The following ANTXR2 variants were observed in gnomAD, a reference collection of about 807,000 sequenced individuals.
ANTXR2 encodes the protein ANTXR cell adhesion molecule 2, also known as anthrax toxin receptor 2.
ANTXR2 carries 44 observed loss-of-function variants against 73.7 expected under a neutral mutation model. The observed-to-expected ratio is 0.60, with a 90% CI of 0.47 to 0.77. The LOEUF (loss-of-function observed/expected upper bound fraction) is 0.77, where lower values mean the gene tolerates loss of function less well. Ranked by LOEUF, ANTXR2 falls within the 30% of genes least tolerant of loss-of-function variation. The pLI, the probability that ANTXR2 is intolerant of heterozygous loss-of-function variation, is 0.00. For synonymous variants in ANTXR2, 217 were observed against 205.9 expected (o/e 1.05, Z -0.46); for missense variants, 604 against 592.5 (o/e 1.02, Z -0.20).
rs1729393879 is a variant in ANTXR2 at position 79,966,960 on chromosome 4, C to T, written c.1428+10661G>A. ...AACAGCTCAGGTCTACAGCTCCCAG[C>T]GTGAGCGACGCAGAAGACGGTGATT... is the stretch of plus-strand genomic sequence containing the variant. On this transcript the variant is annotated intron_variant, in intron 16 of 16. Transcript: ENST00000403729. Among the ~76,000 whole-genome samples the T allele has an allele frequency of 8.1e-5, 2 of 24,814 alleles. 1 individual carries two copies. Among genetic ancestry groups the T allele is most frequent in the Non-Finnish European group, 4.0e-4 (2 of 4,980 alleles). 16.3% of individuals were successfully genotyped at this position (24,814 alleles called of 152,430 possible).
chr4:79,946,258 G>A (rs758675607), intron 16 of ANTXR2, among the ~76,000 whole-genome samples: 18 of 152,088 alleles, frequency 1.2e-4, no homozygotes, highest in Non-Finnish European at 2.5e-4. Context: ...TAGTAACATG[G>A]GTTACTAAGT....
Position 80,033,651 on chromosome 4 carries a change from AG to A in ANTXR2, c.698-82del, listed in dbSNP as rs2110084661. 3 of 1,025,810 alleles carry A rather than the reference AG, an allele frequency of 2.9e-6. No individual in the cohort carries two copies. In the South Asian group the frequency reaches 4.9e-5, roughly 17 times the overall value. 63.5% of individuals were successfully genotyped at this position (1,025,810 alleles called of 1,614,324 possible). On this transcript the variant is annotated intron_variant, in intron 8 of 16. Coordinates refer to ENST00000403729, the MANE Select transcript of ANTXR2 (RefSeq NM_058172.6). ...AACACAAGCTGAAATGAAAGTATTAAGGTGCAAAGAATAATTTTTTTCATAC... is the reference window on the plus strand; with the variant it reads ...AACACAAGCTGAAATGAAAGTATTAAGTGCAAAGAATAATTTTTTTCATAC...
intron 8 of ANTXR2, among the ~76,000 whole-genome samples, chr4:80,033,825 G>T (rs1732819692): frequency 6.6e-6 from 1 of 151,958 alleles, no homozygotes; most frequent in Non-Finnish European, 1.5e-5. Flanking sequence ...GTGATTCCCA[G>T]TAGTGACCAA....
At chr4:80,039,692 T>G (rs781752450) in intron 7 of ANTXR2, among the ~76,000 whole-genome samples, 1 of 152,160 alleles carries the variant, frequency 6.6e-6, no homozygotes, top group African/African-American at 2.4e-5. Flanking sequence ...AGTGGTAATA[T>G]GAGTTTAGCC....
At chr4:80,007,296 G>A in intron 12 of ANTXR2, among the ~76,000 whole-genome samples, 1 of 152,072 alleles carries the variant, frequency 6.6e-6, no homozygotes, top group Non-Finnish European at 1.5e-5. Context: ...ACATTACCAT[G>A]AACTACACAA....
intron 12 of ANTXR2, among the ~76,000 whole-genome samples, chr4:80,001,951 G>A (rs1451403685): frequency 2.0e-5 from 3 of 151,718 alleles, no homozygotes; most frequent in Non-Finnish European, 4.4e-5. Flanking sequence ...GTCTCTGCAC[G>A]TGAGATGGGT....
intron 12 of ANTXR2, among the ~76,000 whole-genome samples, chr4:79,999,258 T>C (rs1477480979): frequency 2.6e-5 from 4 of 151,946 alleles, no homozygotes; most frequent in Non-Finnish European, 4.4e-5. Flanking sequence ...GACTGAATCA[T>C]GGAGGCGGTT....
At chr4:79,913,379 TG>T in intron 16 of ANTXR2, among the ~76,000 whole-genome samples, 1 of 152,324 alleles carries the variant, frequency 6.6e-6, no homozygotes, top group Non-Finnish European at 1.5e-5. Context: ...TTAAAGCATT[TG>T]GCAAGGTCAC....
In ANTXR2 at chr4:79,904,818, T is replaced by C. The variant is rs1233819299; in HGVS notation, c.*2611A>G. Reference sequence around the variant, plus strand: ...AGAAGCTATTTCTCTATATAAAATATAAAGTGCCATTAAATTTATAGAAAT... The same window carrying C: ...AGAAGCTATTTCTCTATATAAAATACAAAGTGCCATTAAATTTATAGAAAT... On this transcript the variant is annotated 3_prime_UTR_variant, in exon 17 of 17. Transcript: ENST00000403729. The C allele has an allele frequency of 6.6e-6, 1 of 152,194 alleles. No homozygotes were observed. The allele number at this position is 152,194 out of a possible 1,614,324, so 9.4% of individuals were successfully genotyped here. A position where few individuals can be genotyped will look rare whatever the true frequency, so the allele number is the denominator to read the frequency against.
chr4:80,003,362 G>C (rs1174774780), intron 12 of ANTXR2, among the ~76,000 whole-genome samples: 2 of 138,450 alleles, frequency 1.4e-5, no homozygotes, highest in Non-Finnish European at 3.0e-5. Context: ...ATTGAACAAT[G>C]AGAACACATG....
At chr4:80,071,951 G>C (rs1364408982) in intron 1 of ANTXR2, among the ~76,000 whole-genome samples, 1 of 152,156 alleles carries the variant, frequency 6.6e-6, no homozygotes, top group African/African-American at 2.4e-5. Flanking sequence ...AAACACAAAA[G>C]CCTTTCTTCG....
intron 16 of ANTXR2, among the ~76,000 whole-genome samples, chr4:79,956,142 T>C (rs1198635883): frequency 1.3e-5 from 2 of 152,202 alleles, no homozygotes; most frequent in Non-Finnish European, 2.9e-5. Context: ...TAGAATTTAT[T>C]GCCACTTCTA....
intron 16 of ANTXR2, among the ~76,000 whole-genome samples, chr4:79,963,227 G>T (rs559249320): frequency 6.6e-6 from 1 of 152,010 alleles, no homozygotes. Context: ...TTCACAAGCA[G>T]GACTGAAAGG....
intron 16 of ANTXR2, among the ~76,000 whole-genome samples, chr4:79,924,685 A>C (rs553295105): frequency 1.3e-5 from 2 of 152,266 alleles, no homozygotes; most frequent in East Asian, 3.9e-4. Context: ...TAGCATTAGG[A>C]ACATGAAAGT....
Position 80,037,146 on chromosome 4 carries a change from T to C in ANTXR2, c.637-1114A>G, listed in dbSNP as rs994439266. On this transcript the variant is annotated intron_variant, in intron 7 of 16. Coordinates refer to ENST00000403729, the MANE Select transcript of ANTXR2 (RefSeq NM_058172.6). ...TTTAGAACTGCTCTGCACTATATTA[T>C]CAGTCAGACAAATTCCAGATGATCT... 4.6e-5 allele frequency among the ~76,000 whole-genome samples: 7 copies of C among 152,180 alleles called. 1 individual carries two copies. Among genetic ancestry groups the C allele is most frequent in the Non-Finnish European group, 5.9e-5 (4 of 68,032 alleles).
intron 12 of ANTXR2, among the ~76,000 whole-genome samples, chr4:79,995,954 C>T (rs1346277601): frequency 6.6e-6 from 1 of 151,978 alleles, no homozygotes; most frequent in Non-Finnish European, 1.5e-5. Context: ...GTTGTTAACA[C>T]TATTAACAGG....
At chr4:80,054,130 T>G (rs1733878641) in intron 7 of ANTXR2, 142 bp downstream of exon 7, 1 of 630,698 alleles carries the variant, frequency 1.6e-6, no homozygotes, top group Non-Finnish European at 2.7e-6. Flanking sequence ...AGAATTACAC[T>G]GTTTGCAATA....
chr4:80,018,150 T>C (rs948067091), intron 11 of ANTXR2, among the ~76,000 whole-genome samples: 1 of 152,202 alleles, frequency 6.6e-6, no homozygotes, highest in Non-Finnish European at 1.5e-5. Flanking sequence ...TTTGGTCTTT[T>C]GGAGGGCAGG....
chr4:79,927,059 GTGTA>G (rs1397710581), intron 16 of ANTXR2, among the ~76,000 whole-genome samples: 18 of 133,182 alleles, frequency 1.4e-4, no homozygotes, highest in African/African-American at 2.9e-4. Context: ...GCGTGTGTGT[GTGTA>G]TATATATATA....
Sources: allele counts gnomAD v4.1 joint callset (sites outside exome capture counted in the v4.1 genomes callset), GRCh38; gene constraint gnomAD v4.1.1; transcripts MANE v1.5; gene names NCBI Gene and HGNC (gene_info 2026-07-23, HGNC 2026-07-21).